The following SFRP1 variants were observed in gnomAD, a reference collection of about 807,000 sequenced individuals.
SFRP1 encodes secreted frizzled-related protein 1.
In SFRP1, 9 loss-of-function variants were observed where a neutral mutation model predicts 25.9. That is an observed-to-expected ratio of 0.35 (90% CI 0.21 to 0.61). The LOEUF (loss-of-function observed/expected upper bound fraction) is 0.61. SFRP1 is among the 20% of genes least tolerant of loss of function. The pLI, the probability that SFRP1 is intolerant of heterozygous loss-of-function variation, is 0.78. For missense variants in SFRP1, 346 were observed against 418.2 expected (o/e 0.83, Z 1.51); for synonymous variants, 178 against 174.0 (o/e 1.02, Z -0.18).
intron 2 of SFRP1, among the ~76,000 whole-genome samples, chr8:41,282,224 A>G (rs145561463): frequency 6.6e-6 from 1 of 152,224 alleles, no homozygotes; most frequent in African/African-American, 2.4e-5. Flanking sequence ...AATGTTAGAA[A>G]TTAGGTTTTG....
chr8:41,303,485 C>G lies in SFRP1; in HGVS notation c.598G>C (p.Glu200Gln). ...DNELKSEAII[E>Q]HLCASEFALR... ...CCAAACTCGCTGGCACAGAGATGTT[C>G]AATGATGGCCTCAGATTTCAACTCG... is the stretch of plus-strand genomic sequence containing the variant. Residue 200 changes from glutamate to glutamine, a missense_variant, in exon 2 of 3, where the codon GAA (glutamate) becomes CAA (glutamine). By Grantham distance (29) the Glu-to-Gln change is conservative. Coordinates refer to ENST00000220772, the MANE Select transcript of SFRP1 (RefSeq NM_003012.5). 1 of 1,613,898 alleles carries G rather than the reference C, an allele frequency of 6.2e-7. No individual in the cohort carries two copies. Among genetic ancestry groups the G allele is most frequent in the Non-Finnish European group, 8.5e-7 (1 of 1,179,926 alleles).
intron 2 of SFRP1, among the ~76,000 whole-genome samples, chr8:41,295,900 A>G (rs1803838489): frequency 6.6e-6 from 1 of 152,206 alleles, no homozygotes; most frequent in African/African-American, 2.4e-5. Context: ...AAGAAACCTA[A>G]GCTGGCTGCT....
At chr8:41,283,504 C>A (rs983930456) in intron 2 of SFRP1, among the ~76,000 whole-genome samples, 1 of 151,360 alleles carries the variant, frequency 6.6e-6, no homozygotes, top group Non-Finnish European at 1.5e-5. Context: ...CCAAAGTCAG[C>A]GGCTGAACTT....
At chr8:41,280,400 C>T (rs534963651) in intron 2 of SFRP1, among the ~76,000 whole-genome samples, 2 of 152,308 alleles carry the variant, frequency 1.3e-5, no homozygotes, top group African/African-American at 2.4e-5. Context: ...CTGGCCTTAC[C>T]TCTATTTTCT....
intron 2 of SFRP1, among the ~76,000 whole-genome samples, chr8:41,282,363 A>G (rs925348851): frequency 2.0e-4 from 30 of 152,190 alleles, no homozygotes; most frequent in African/African-American, 6.5e-4. Context: ...ATTTTTTTTA[A>G]CTAGTCGGGC....
intron 2 of SFRP1, among the ~76,000 whole-genome samples, chr8:41,281,258 C>T (rs543031342): frequency 1.3e-5 from 2 of 152,360 alleles, no homozygotes; most frequent in African/African-American, 4.8e-5. Flanking sequence ...CACAGCCCCA[C>T]CTCACCAGCC....
intron 2 of SFRP1, among the ~76,000 whole-genome samples, chr8:41,287,456 T>C (rs543020941): frequency 6.0e-4 from 92 of 152,354 alleles, no homozygotes; most frequent in African/African-American, 2.1e-3. Context: ...CACCAGGTCA[T>C]GTGCCACTGC....
chr8:41,304,005 A>G (rs962361283), intron 1 of SFRP1, among the ~76,000 whole-genome samples: 1 of 152,106 alleles, frequency 6.6e-6, no homozygotes, highest in African/African-American at 2.4e-5. Flanking sequence ...TCCAGGAGCC[A>G]AGAGAGAAAG....
At chr8:41,288,259 G>A (rs1803732097) in intron 2 of SFRP1, among the ~76,000 whole-genome samples, 1 of 152,066 alleles carries the variant, frequency 6.6e-6, no homozygotes, top group South Asian at 2.1e-4. Context: ...TCAGGAGGCT[G>A]AGGCAGAGAA....
chr8:41,293,340 G>A (rs1432381479), intron 2 of SFRP1, among the ~76,000 whole-genome samples: 1 of 152,244 alleles, frequency 6.6e-6, no homozygotes, highest in Non-Finnish European at 1.5e-5. Context: ...CCTTGATGCA[G>A]CCTTTGAGTC....
chr8:41,283,583 C>CT (rs34742703), intron 2 of SFRP1, among the ~76,000 whole-genome samples: 7,207 of 139,068 alleles, frequency 0.052, 577 homozygotes, highest in African/African-American at 0.16. Flanking sequence ...CTCCAACTTT[C>CT]TTTTTTTTTT....
intron 1 of SFRP1, 88 bp from the exon 2 acceptor site, chr8:41,303,626 G>C (rs1159238787): frequency 1.0e-5 from 10 of 973,780 alleles, no homozygotes; most frequent in Non-Finnish European, 1.5e-5. Flanking sequence ...CCTGGGTCCA[G>C]GCTGAAAGTG....
Position 41,308,933 on chromosome 8 carries a change from A to G in SFRP1, c.227T>C (p.Met76Thr), listed in dbSNP as rs774476008. The part of the protein sequence containing the change: ...RLCHNVGYKK[M>T]VLPNLLEHET... Reference sequence around the variant, plus strand: ...GTGCTCCAGCAGGTTGGGCAGCACCATCTTCTTGTAGCCCACGTTGTGGCA... The same window carrying G: ...GTGCTCCAGCAGGTTGGGCAGCACCGTCTTCTTGTAGCCCACGTTGTGGCA... Residue 76 changes from methionine to threonine, a missense_variant, in exon 1 of 3, where the codon ATG becomes ACG. By Grantham distance (81) the Met-to-Thr change is moderately conservative. Coordinates refer to ENST00000220772, the MANE Select transcript of SFRP1 (RefSeq NM_003012.5). 1.2e-6 allele frequency: 2 copies of G among 1,613,402 alleles called. No individual in the cohort carries two copies. Among genetic ancestry groups the G allele is most frequent in the East Asian group, 2.2e-5 (1 of 44,844 alleles).
intron 2 of SFRP1, among the ~76,000 whole-genome samples, chr8:41,296,677 C>T (rs571443694): frequency 3.9e-5 from 6 of 152,066 alleles, no homozygotes; most frequent in Non-Finnish European, 8.8e-5. Context: ...GGGAAAAGTG[C>T]CCCAGAGATA....
chr8:41,287,416 C>G (rs1045433024), intron 2 of SFRP1, among the ~76,000 whole-genome samples: 1 of 152,204 alleles, frequency 6.6e-6, no homozygotes, highest in Admixed American at 6.5e-5. Flanking sequence ...GGCATCGGCT[C>G]GGAGGAACGT....
intron 2 of SFRP1, among the ~76,000 whole-genome samples, chr8:41,296,270 T>TA (rs1411075190): frequency 6.6e-6 from 1 of 152,218 alleles, no homozygotes; most frequent in Non-Finnish European, 1.5e-5. Flanking sequence ...TTTACCTTGG[T>TA]AAAAATTCAC....
At chr8:41,277,556 G>A (rs1309981008) in intron 2 of SFRP1, among the ~76,000 whole-genome samples, 1 of 152,216 alleles carries the variant, frequency 6.6e-6, no homozygotes, top group Non-Finnish European at 1.5e-5. Context: ...AATGCAGACT[G>A]CTGGGCTCCA....
At chr8:41,306,650 C>G in intron 1 of SFRP1, 1 of 1,534,124 alleles carries the variant, frequency 6.5e-7, no homozygotes, top group Non-Finnish European at 8.8e-7. Context: ...CAGTCCCAAG[C>G]CCCACTCCCG....
At chr8:41,288,047 G>T (rs560547177) in intron 2 of SFRP1, among the ~76,000 whole-genome samples, 1 of 137,730 alleles carries the variant, frequency 7.3e-6, no homozygotes, top group Non-Finnish European at 1.6e-5. Flanking sequence ...GCGAGACCCC[G>T]TTTCTATAAA....
Sources: gnomAD v4.1 joint callset for allele counts (sites outside exome capture counted in the v4.1 genomes callset) on GRCh38, gnomAD v4.1.1 for gene constraint, MANE v1.5 for transcripts, NCBI Gene and HGNC (gene_info 2026-07-23, HGNC 2026-07-21) for gene names.